Variants in TGM4 observed in about 807,000 individuals in gnomAD.
TGM4 encodes the protein protein-glutamine gamma-glutamyltransferase 4.
In TGM4, 61 loss-of-function variants were observed where a neutral mutation model predicts 76.3. The observed-to-expected ratio is 0.80, with a 90% CI of 0.65 to 0.99. TGM4 has a LOEUF of 0.99. TGM4 is among the 50% of genes least tolerant of loss of function. The pLI, the probability that TGM4 is intolerant of heterozygous loss-of-function variation, is 0.00. For missense variants in TGM4, 794 were observed against 843.2 expected (o/e 0.94, Z 0.72); for synonymous variants, 337 against 329.8 (o/e 1.02, Z -0.24).
rs1188636960 is a variant in TGM4 at position 44,874,792 on chromosome 3, G to A, written c.19+95G>A. The A allele has an allele frequency of 1.5e-5, 22 of 1,491,890 alleles. No individual in the cohort carries two copies. In the Admixed American group the frequency reaches 1.9e-4, roughly 13 times the overall value. 92.4% of individuals were successfully genotyped at this position (1,491,890 alleles called of 1,614,324 possible). On this transcript the variant is annotated intron_variant, in intron 1 of 13. Coordinates refer to ENST00000296125, the MANE Select transcript of TGM4 (RefSeq NM_003241.4). Reference sequence around the variant, plus strand: ...CCTCTGCCGGGTGCCTGGGGCCATTGCCCTCTCACCCTGACTTGTGGCCCT... The same window carrying A: ...CCTCTGCCGGGTGCCTGGGGCCATTACCCTCTCACCCTGACTTGTGGCCCT...
chr3:44,891,773 G>A (rs199736268), intron 4 of TGM4, among the ~76,000 whole-genome samples: 1 of 151,790 alleles, frequency 6.6e-6, no homozygotes, highest in African/African-American at 2.4e-5. Context: ...GGGAGATCGA[G>A]ACCATCCTGG....
intron 5 of TGM4, among the ~76,000 whole-genome samples, chr3:44,895,677 T>C (rs377485880): frequency 3.3e-5 from 5 of 152,306 alleles, no homozygotes; most frequent in Admixed American, 6.5e-5. Context: ...CAAAGAATTG[T>C]AACCACAAAA....
intron 9 of TGM4, 92 bp from the exon 10 acceptor site, chr3:44,906,857 T>C: frequency 6.4e-7 from 1 of 1,557,724 alleles, no homozygotes; most frequent in Non-Finnish European, 8.7e-7. Flanking sequence ...TTGCCAGTCC[T>C]GTTTGAGTTT....
At position 44,901,920 on chromosome 3, in the gene TGM4, C is replaced by T. The variant is rs370725398; in HGVS notation, c.960C>T (p.His320=). 37 of 1,613,978 alleles carry T rather than the reference C, an allele frequency of 2.3e-5. No individual in the cohort carries two copies. Among genetic ancestry groups the T allele is most frequent in the Admixed American group, 6.7e-5 (4 of 60,002 alleles). The change falls in exon 8 of 14, where the codon CAC becomes CAT. Residue 320 remains histidine, a synonymous_variant. Coordinates refer to ENST00000296125, the MANE Select transcript of TGM4 (RefSeq NM_003241.4). ...ENGEKITSMT[H]DSVWNFHVWT... ...GCGAGAAAATCACCAGTATGACCCACGACTCTGTCTGGTAGGGTTCCTCCT... is the reference window on the plus strand; with the variant it reads ...GCGAGAAAATCACCAGTATGACCCATGACTCTGTCTGGTAGGGTTCCTCCT...
chr3:44,890,925 C>T (rs1344177369), intron 4 of TGM4, among the ~76,000 whole-genome samples, 193 bp downstream of exon 4: 2 of 152,148 alleles, frequency 1.3e-5, no homozygotes, highest in African/African-American at 2.4e-5. Context: ...GAATGGAGGT[C>T]CTTATTCCCT....
chr3:44,881,348 A>G (rs1699529731), intron 1 of TGM4, among the ~76,000 whole-genome samples: 5 of 152,244 alleles, frequency 3.3e-5, no homozygotes, highest in Admixed American at 3.3e-4. Flanking sequence ...AGAAGGAAGG[A>G]GAAGGAAATT....
rs970363074 is a variant in TGM4, at chr3:44,887,560, A to G, written c.194-129A>G. 8 of 743,820 alleles carry G rather than the reference A, an allele frequency of 1.1e-5. No homozygotes were observed. In the African/African-American group the frequency reaches 1.2e-4, roughly 12 times the overall value. The allele number at this position is 743,820 out of a possible 1,614,324, so 46.1% of individuals were successfully genotyped here. On this transcript the variant is annotated intron_variant, in intron 2 of 13. Transcript: ENST00000296125. Reference sequence around the variant, plus strand: ...CTGCAGAATTAGAGGGGCTGGAGCCAGGGGACAAATGAGCCTGGAAAGGAG... The same window carrying G: ...CTGCAGAATTAGAGGGGCTGGAGCCGGGGGACAAATGAGCCTGGAAAGGAG...
chr3:44,878,454 TATTATTATTATTA>T (rs747921300), intron 1 of TGM4, among the ~76,000 whole-genome samples: 1,554 of 142,796 alleles, frequency 0.011, 26 homozygotes, highest in African/African-American at 0.028. Flanking sequence ...TTTGTTTTAT[TATTATTATTATTA>T]TTATTATTAT....
At chr3:44,874,811 T>C (rs2125744456) in intron 1 of TGM4, 114 bp downstream of exon 1, 1 of 1,279,090 alleles carries the variant, frequency 7.8e-7, no homozygotes, top group Non-Finnish European at 1.1e-6. Context: ...CCCTGACTTG[T>C]GGCCCTGGTG....
At chr3:44,886,340 CA>C (rs534753676) in intron 2 of TGM4, among the ~76,000 whole-genome samples, 2,959 of 151,048 alleles carry the variant, frequency 0.02, 50 homozygotes, top group Middle Eastern at 0.065. Context: ...AACTCCGTCT[CA>C]AAAAAAAATT....
At chr3:44,892,729 A>G (rs1054985622) in intron 4 of TGM4, among the ~76,000 whole-genome samples, 14 of 152,148 alleles carry the variant, frequency 9.2e-5, no homozygotes, top group African/African-American at 3.4e-4. Flanking sequence ...ACAGGATCCA[A>G]TCTAGAGTCA....
At position 44,914,091 on chromosome 3, in the gene TGM4, G is replaced by A. The variant is rs1446254601; in HGVS notation, c.*366G>A. Reference sequence around the variant, plus strand: ...CAGCCCAGTGCTGCCACCTGCTGACGACCCTTGAGAAGCTGCCATATCTTC... The same window carrying A: ...CAGCCCAGTGCTGCCACCTGCTGACAACCCTTGAGAAGCTGCCATATCTTC... On this transcript the variant is annotated 3_prime_UTR_variant, in exon 14 of 14. Transcript: ENST00000296125. 7 of 187,646 alleles carry A rather than the reference G, an allele frequency of 3.7e-5. No homozygotes were observed. Among genetic ancestry groups the A allele is most frequent in the Non-Finnish European group, 5.5e-5 (5 of 90,182 alleles). The allele number at this position is 187,646 out of a possible 1,614,324, so 11.6% of individuals were successfully genotyped here.
At chr3:44,875,871 CAGCTAGA>C (rs1699445585) in intron 1 of TGM4, among the ~76,000 whole-genome samples, 1 of 152,202 alleles carries the variant, frequency 6.6e-6, no homozygotes, top group South Asian at 2.1e-4. Context: ...GCTGACGCCT[CAGCTAGA>C]CTCAGTCTTG....
intron 9 of TGM4, among the ~76,000 whole-genome samples, chr3:44,904,235 TTC>T (rs199535929): frequency 0.16 from 23,900 of 152,106 alleles, 2,093 homozygotes; most frequent in South Asian, 0.25. Context: ...CACTTAAGGG[TTC>T]CCTACTGCAT....
Position 44,911,391 on chromosome 3 carries a change from A to G in TGM4, c.1898A>G (p.Gln633Arg). ...SLESLGISSL[Q>R]TSDHGTVQPG... ...GAAAGCCTGGGCATCTCCTCACTAC[A>G]GACCTCTGACCATGGGTGAGTCTGC... The change falls in exon 13 of 14, where the codon CAG (glutamine) becomes CGG (arginine). Residue 633 changes from glutamine (Q) to arginine (R), a missense_variant. Coordinates refer to ENST00000296125, the MANE Select transcript of TGM4 (RefSeq NM_003241.4). The G allele has an allele frequency of 6.2e-7, 1 of 1,614,172 alleles. No individual in the cohort carries two copies. Among genetic ancestry groups the G allele is most frequent in the South Asian group, 1.1e-5 (1 of 91,078 alleles).
intron 6 of TGM4, among the ~76,000 whole-genome samples, 179 bp downstream of exon 6, chr3:44,896,995 C>G (rs1424356106): frequency 7.8e-6 from 1 of 128,828 alleles, no homozygotes; most frequent in African/African-American, 2.9e-5. Flanking sequence ...CGCAGGTTTT[C>G]TTTTCTTTTT....
chr3:44,899,127 C>G (rs549443650), intron 6 of TGM4: 2 of 152,356 alleles, frequency 1.3e-5, no homozygotes, highest in African/African-American at 4.8e-5. Context: ...AACAAGTGCC[C>G]AGCCCAGGGT....
At chr3:44,886,276 G>T (rs765345240) in intron 2 of TGM4, among the ~76,000 whole-genome samples, 33 of 152,202 alleles carry the variant, frequency 2.2e-4, no homozygotes, top group Non-Finnish European at 4.4e-4. Context: ...GGGAGGTGGA[G>T]GTTGCAGGGA....
intron 13 of TGM4, among the ~76,000 whole-genome samples, chr3:44,913,288 C>T (rs1316114885): frequency 6.6e-6 from 1 of 152,162 alleles, no homozygotes; most frequent in East Asian, 1.9e-4. Context: ...TGCTAATACT[C>T]ATGAAACAAG....
Sources: allele counts gnomAD v4.1 joint callset (sites outside exome capture counted in the v4.1 genomes callset), GRCh38; gene constraint gnomAD v4.1.1; transcripts MANE v1.5; gene names NCBI Gene and HGNC (gene_info 2026-07-23, HGNC 2026-07-21).